The following CUX1 variants were observed in gnomAD, a reference collection of about 807,000 sequenced individuals.
The protein encoded by CUX1 is cut like homeobox 1.
Under a neutral mutation model 158.8 loss-of-function variants are expected in CUX1, and 31 were observed. The observed-to-expected ratio is 0.20, with a 90% CI of 0.15 to 0.26. The LOEUF (loss-of-function observed/expected upper bound fraction) is 0.26, where lower values mean the gene tolerates loss of function less well. Among genes scored for constraint, CUX1 ranks in the 10% least tolerant of loss-of-function variants. CUX1 has a pLI of 1.00. For synonymous variants in CUX1, 879 were observed against 862.1 expected (o/e 1.02, Z -0.34); for missense variants, 1,589 against 2,014.6 (o/e 0.79, Z 4.04).
At chr7:101,884,957 G>A (rs578196896) in intron 1 of CUX1, among the ~76,000 whole-genome samples, 2 of 152,180 alleles carry the variant, frequency 1.3e-5, no homozygotes, top group South Asian at 2.1e-4. Flanking sequence ...GCCCTCACTC[G>A]GCCACCTTTT....
At position 102,230,274 on chromosome 7, in the gene CUX1, G is replaced by A. The variant is rs71559449; in HGVS notation, c.3433+2605G>A. Reference sequence around the variant, plus strand: ...GTGGATCACCTGAGGCCAGGAGTTCGAGACCAGCCTGGGCAACACAGTGAG... The same window carrying A: ...GTGGATCACCTGAGGCCAGGAGTTCAAGACCAGCCTGGGCAACACAGTGAG... On this transcript the variant is annotated intron_variant, in intron 21 of 23. Coordinates refer to ENST00000292535, the MANE Select transcript of CUX1 (RefSeq NM_181552.4). Among the ~76,000 whole-genome samples the A allele has an allele frequency of 1.8e-3, 274 of 151,872 alleles. 2 individuals carry two copies. The highest frequency in any genetic ancestry group is 6.8e-3 in the Middle Eastern group (2 of 294).
chr7:101,895,693 A>G (rs1801388796), intron 1 of CUX1, among the ~76,000 whole-genome samples: 1 of 152,122 alleles, frequency 6.6e-6, no homozygotes, highest in African/African-American at 2.4e-5. Context: ...ATCCCTTCAG[A>G]AGGAATTCAT....
chr7:101,858,661 CTTTTTTT>C (rs760652607), intron 1 of CUX1, among the ~76,000 whole-genome samples: 10 of 103,318 alleles, frequency 9.7e-5, no homozygotes, highest in African/African-American at 3.2e-4. Context: ...ATGCGAATGC[CTTTTTTT>C]TTTTTTTTTT....
intron 2 of CUX1, among the ~76,000 whole-genome samples, chr7:102,022,966 G>T (rs1335766529): frequency 6.6e-6 from 1 of 152,208 alleles, no homozygotes; most frequent in East Asian, 1.9e-4. Context: ...TGTAATCCCA[G>T]CACTTTGGGA....
chr7:101,909,974 C>T (rs1460483123), intron 1 of CUX1, among the ~76,000 whole-genome samples: 2 of 152,124 alleles, frequency 1.3e-5, no homozygotes, highest in African/African-American at 2.4e-5. Flanking sequence ...GGCTGAAGTG[C>T]GGTGGCACCA....
intron 3 of CUX1, among the ~76,000 whole-genome samples, chr7:102,036,854 GA>G (rs1821487355): frequency 6.6e-6 from 1 of 152,102 alleles, no homozygotes; most frequent in Non-Finnish European, 1.5e-5. Flanking sequence ...GGAAAGGGGG[GA>G]CTTTTCATGG....
intron 22 of CUX1, among the ~76,000 whole-genome samples, chr7:102,235,177 A>G (rs1329981077): frequency 6.6e-6 from 1 of 152,178 alleles, no homozygotes; most frequent in Non-Finnish European, 1.5e-5. Context: ...AAAATGCCTA[A>G]AGCCAGGTGT....
chr7:102,090,382 TTTTTG>T (rs1221294181), intron 4 of CUX1, among the ~76,000 whole-genome samples: 2 of 151,956 alleles, frequency 1.3e-5, no homozygotes, highest in African/African-American at 2.4e-5. Context: ...TTTTTTTGTT[TTTTTG>T]TTTTGTTTTG....
intron 1 of CUX1, among the ~76,000 whole-genome samples, chr7:101,828,250 G>A (rs1285835995): frequency 1.3e-5 from 2 of 152,010 alleles, no homozygotes; most frequent in African/African-American, 4.8e-5. Context: ...GATGACGGGT[G>A]GGAGCCACCA....
intron 2 of CUX1, among the ~76,000 whole-genome samples, chr7:101,971,398 A>G (rs1376524290): frequency 6.6e-6 from 1 of 152,224 alleles, no homozygotes; most frequent in South Asian, 2.1e-4. Context: ...CTGTAATCCC[A>G]GCACTTTGGG....
intron 3 of CUX1, 103 bp from the exon 4 acceptor site, chr7:102,070,218 GCCCAGTTGTCAAGCATCT>G: frequency 1.3e-6 from 1 of 773,954 alleles, no homozygotes; most frequent in African/African-American, 1.7e-5. Context: ...AGAGGCTGAA[GCCCAGTTGTCAAGCATCT>G]CCCTTGCTAC....
Position 102,227,615 on chromosome 7 carries a change from G to A in CUX1, c.3379G>A (p.Asp1127Asn), listed in dbSNP as rs1798478703. Reference sequence around the variant, plus strand: ...ATTAGTAGCCATGTCCCCGGAGCTGGACACCTACGGCATAACCAAGCGGGT... The same window carrying A: ...ATTAGTAGCCATGTCCCCGGAGCTGAACACCTACGGCATAACCAAGCGGGT... ...QELVAMSPEL[D>N]TYGITKRVKE... The change falls in exon 21 of 24, where the codon GAC becomes AAC. Residue 1127 changes from aspartate to asparagine, a missense_variant. Physicochemically the swap from Asp to Asn is conservative, Grantham distance 23. Around this residue, in one of 8 missense-constraint regions of CUX1, gnomAD observed 259 missense variants for 373.8 expected, o/e 0.69. Coordinates refer to ENST00000292535, the MANE Select transcript of CUX1 (RefSeq NM_181552.4). 6.2e-7 allele frequency: 1 copy of A among 1,613,940 alleles called. No homozygotes were observed. Among genetic ancestry groups the A allele is most frequent in the African/African-American group, 1.3e-5 (1 of 75,042 alleles).
At chr7:102,080,242 G>A (rs1418281311) in intron 4 of CUX1, among the ~76,000 whole-genome samples, 2 of 152,192 alleles carry the variant, frequency 1.3e-5, no homozygotes, top group Admixed American at 6.5e-5. Flanking sequence ...GTGTGCTTGC[G>A]TGGAGAGTGG....
At chr7:102,144,034 A>G (rs1374256475) in intron 8 of CUX1, among the ~76,000 whole-genome samples, 6 of 151,108 alleles carry the variant, frequency 4.0e-5, no homozygotes, top group African/African-American at 1.2e-4. Context: ...CACCCACCTC[A>G]GCCTCCCAAA....
chr7:102,249,234 AGGCCGCGGCCCAGACCCACTCTGC>A lies in CUX1; in HGVS notation c.*197_*220del. 9.2e-7 allele frequency: 1 copy of A among 1,086,068 alleles called. No individual in the cohort carries two copies. Among genetic ancestry groups the A allele is most frequent in the Non-Finnish European group, 1.1e-6 (1 of 893,956 alleles). The allele number at this position is 1,086,068 out of a possible 1,614,324, so 67.3% of individuals were successfully genotyped here. On this transcript the variant is annotated 3_prime_UTR_variant, in exon 24 of 24. Transcript: ENST00000292535. ...TGCACCGACCCGAGGCCCAGATCCAAGGCCGCGGCCCAGACCCACTCTGCGGCCCGGGCCGACCCTGCGGCCTCC... is the reference window on the plus strand; with the variant it reads ...TGCACCGACCCGAGGCCCAGATCCAAGGCCCGGGCCGACCCTGCGGCCTCC...
upstream of CUX1, chr7:101,817,368 A>G (rs1791967283): frequency 1.0e-6 from 1 of 984,114 alleles, no homozygotes. The surrounding 1 kb of genome is among the most constrained non-coding windows in gnomAD (Gnocchi z 4.1). Context: ...GCGCTCGGAG[A>G]TGCCTTCTCG....
chr7:101,962,868 GCAC>G (rs1296204603), intron 2 of CUX1, among the ~76,000 whole-genome samples: 1 of 152,012 alleles, frequency 6.6e-6, no homozygotes, highest in African/African-American at 2.4e-5. Flanking sequence ...CTGCAGGTGT[GCAC>G]CACTGCACCA....
intron 5 of CUX1, 46 bp downstream of exon 5, chr7:102,097,547 T>TC (rs1554484737): frequency 5.8e-5 from 90 of 1,540,540 alleles, no homozygotes; most frequent in African/African-American, 9.8e-5. Flanking sequence ...TTCTTTTTTT[T>TC]CTCTTCTTTT....
At chr7:102,280,956 C>T in intron 20 of CUX1, 2 of 1,156,206 alleles carry the variant, frequency 1.7e-6, no homozygotes, top group Non-Finnish European at 2.5e-6. Flanking sequence ...GCTGGAGGAG[C>T]CGCCAGCCCT....
Sources: gnomAD v4.1 joint callset for allele counts (sites outside exome capture counted in the v4.1 genomes callset) on GRCh38, gnomAD v4.1.1 for gene constraint, gnomAD v4.1.1 regional missense constraint, Gnocchi (gnomAD v3.1) non-coding constraint, MANE v1.5 for transcripts, NCBI Gene and HGNC (gene_info 2026-07-23, HGNC 2026-07-21) for gene names.